WWOX: variants seen among roughly 807,000 people sequenced by gnomAD.
The protein encoded by WWOX is WW domain-containing oxidoreductase.
WWOX carries 69 observed loss-of-function variants against 46.2 expected under a neutral mutation model. The observed-to-expected ratio is 1.49, with a 90% CI of 1.23 to 1.82. WWOX has a LOEUF of 1.82. Among genes scored for constraint, WWOX ranks in the 40% most tolerant of loss-of-function variants. The probability of loss-of-function intolerance (pLI) is 0.00; values close to 1 mark genes in which losing one functional copy is unlikely to be tolerated. For missense variants in WWOX, 919 were observed against 542.6 expected, an observed-to-expected ratio of 1.69 and a Z score of -6.89; for synonymous variants, 359 against 202.6, an observed-to-expected ratio of 1.77 and a Z score of -6.56.
Position 78,596,493 on chromosome 16 carries a change from A to C in WWOX, c.1056+163741A>C, listed in dbSNP as rs555770159. 2.2e-4 allele frequency among the ~76,000 whole-genome samples: 34 copies of C among 151,200 alleles called. 1 individual carries two copies. Among genetic ancestry groups the C allele is most frequent in the African/African-American group, 8.0e-4 (33 of 41,484 alleles). On this transcript the variant is annotated intron_variant, in intron 8 of 8. Transcript: ENST00000566780. ...CCAGCAGGGCGTATCAGGGGTGCTA[A>C]GGTGACTTCCAAGATTGAGGTTGGC... is the stretch of plus-strand genomic sequence containing the variant.
chr16:78,640,783 C>G (rs892715837), intron 8 of WWOX, among the ~76,000 whole-genome samples: 4 of 151,718 alleles, frequency 2.6e-5, no homozygotes, highest in Admixed American at 6.6e-5. Flanking sequence ...TACTAAAATA[C>G]AAAAAATTAG....
chr16:78,766,052 G>A (rs528339934), intron 8 of WWOX, among the ~76,000 whole-genome samples: 1 of 152,348 alleles, frequency 6.6e-6, no homozygotes, highest in South Asian at 2.1e-4. Flanking sequence ...GCACACAGAT[G>A]ACATGAGCAG....
chr16:78,719,452 T>G (rs1353827429), intron 8 of WWOX, among the ~76,000 whole-genome samples: 2 of 152,230 alleles, frequency 1.3e-5, no homozygotes, highest in Non-Finnish European at 2.9e-5. Flanking sequence ...CTGTCACATG[T>G]GCACTGAAAA....
intron 8 of WWOX, among the ~76,000 whole-genome samples, chr16:79,006,729 A>G (rs1218199324): frequency 6.6e-6 from 1 of 152,020 alleles, no homozygotes; most frequent in Non-Finnish European, 1.5e-5. Context: ...GGCAGCTTGT[A>G]CCCTTGCGTC....
At chr16:78,718,316 C>T (rs2048615711) in intron 8 of WWOX, among the ~76,000 whole-genome samples, 2 of 150,332 alleles carry the variant, frequency 1.3e-5, no homozygotes, top group Non-Finnish European at 3.0e-5. Context: ...TGGATACCAT[C>T]ATAAAAGAAT....
chr16:78,254,668 C>T (rs960708398), intron 5 of WWOX, among the ~76,000 whole-genome samples: 1 of 151,804 alleles, frequency 6.6e-6, no homozygotes, highest in Non-Finnish European at 1.5e-5. Context: ...CACCCGGGTG[C>T]ATGCCACTGC....
intron 8 of WWOX, among the ~76,000 whole-genome samples, chr16:78,554,839 C>G (rs746522407): frequency 4.6e-5 from 7 of 152,106 alleles, no homozygotes; most frequent in Admixed American, 1.3e-4. Flanking sequence ...GAATGGTGGC[C>G]CAGTGCTTTC....
chr16:79,154,245 C>T (rs544615275), intron 8 of WWOX, among the ~76,000 whole-genome samples: 9 of 152,196 alleles, frequency 5.9e-5, no homozygotes, highest in Admixed American at 2.0e-4. Flanking sequence ...TGTAAGTGTC[C>T]TCTGCCCTGG....
At chr16:78,315,647 CA>C (rs1344877347) in intron 5 of WWOX, among the ~76,000 whole-genome samples, 1 of 151,858 alleles carries the variant, frequency 6.6e-6, no homozygotes, top group Non-Finnish European at 1.5e-5. Flanking sequence ...AAGACTGTCT[CA>C]AAAAAGAATA....
At chr16:78,573,069 C>T (rs771665428) in intron 8 of WWOX, among the ~76,000 whole-genome samples, 5 of 152,244 alleles carry the variant, frequency 3.3e-5, no homozygotes, top group Middle Eastern at 3.4e-3. Context: ...AGGCGGATCA[C>T]GAGGTCAGGA....
chr16:78,641,194 C>T (rs747048091), intron 8 of WWOX, among the ~76,000 whole-genome samples: 4 of 151,976 alleles, frequency 2.6e-5, no homozygotes, highest in African/African-American at 4.8e-5. Flanking sequence ...AAGCCTTTCA[C>T]GCTGTGTTTA....
intron 5 of WWOX, among the ~76,000 whole-genome samples, chr16:78,176,046 TC>T (rs1322089045): frequency 6.6e-6 from 1 of 152,130 alleles, no homozygotes; most frequent in Non-Finnish European, 1.5e-5. Context: ...AGTTCCTCTC[TC>T]CCCATGCTGC....
intron 5 of WWOX, among the ~76,000 whole-genome samples, chr16:78,354,926 G>T (rs181988315): frequency 2.0e-5 from 3 of 152,118 alleles, no homozygotes; most frequent in Non-Finnish European, 2.9e-5. Flanking sequence ...CTGAGGTCAG[G>T]AATTCAAGAC....
chr16:78,384,279 G>C (rs187657906), intron 5 of WWOX, among the ~76,000 whole-genome samples: 14 of 152,270 alleles, frequency 9.2e-5, no homozygotes, highest in Non-Finnish European at 8.8e-5. Flanking sequence ...GCACGTGGCA[G>C]TGAGTGTCAT....
chr16:79,047,002 A>T (rs892236809), intron 8 of WWOX, among the ~76,000 whole-genome samples: 31 of 152,166 alleles, frequency 2.0e-4, no homozygotes, highest in African/African-American at 7.5e-4. Context: ...TTAAACAATA[A>T]AGCAACTGAC....
intron 8 of WWOX, among the ~76,000 whole-genome samples, chr16:78,572,062 T>C (rs1008514095): frequency 5.3e-5 from 8 of 152,202 alleles, no homozygotes; most frequent in South Asian, 2.1e-4. Context: ...TAGCAACTTA[T>C]GCAATTTGGT....
intron 8 of WWOX, among the ~76,000 whole-genome samples, chr16:78,481,746 T>TGTGTGC (rs2084495039): frequency 6.7e-6 from 1 of 150,280 alleles, no homozygotes; most frequent in South Asian, 2.1e-4. Context: ...TGTGTGTGTG[T>TGTGTGC]GTGTGTGTGT....
intron 8 of WWOX, among the ~76,000 whole-genome samples, chr16:78,893,185 T>C (rs2151230685): frequency 6.7e-6 from 1 of 150,294 alleles, no homozygotes; most frequent in East Asian, 2.0e-4. Context: ...ATGGAATGAC[T>C]ATAGCTAGAA....
chr16:78,740,592 C>T (rs1224939453), intron 8 of WWOX, among the ~76,000 whole-genome samples: 1 of 152,154 alleles, frequency 6.6e-6, no homozygotes, highest in Non-Finnish European at 1.5e-5. Flanking sequence ...ACTCGTCTTT[C>T]AGGCATGGGG....
Sources: allele counts gnomAD v4.1 joint callset (sites outside exome capture counted in the v4.1 genomes callset), GRCh38; gene constraint gnomAD v4.1.1; transcripts MANE v1.5; gene names NCBI Gene and HGNC (gene_info 2026-07-23, HGNC 2026-07-21).